PCDH9: variants seen among roughly 807,000 people sequenced by gnomAD.
PCDH9 encodes protocadherin 9, also known as protocadherin-9.
Under a neutral mutation model 70.6 loss-of-function variants are expected in PCDH9, and 24 were observed. The observed-to-expected ratio is 0.34, with a 90% CI of 0.25 to 0.48. The LOEUF (loss-of-function observed/expected upper bound fraction) is 0.48, where lower values mean the gene tolerates loss of function less well. PCDH9 is among the 20% of genes least tolerant of loss of function. PCDH9 has a pLI of 0.99. For missense variants in PCDH9, 1,281 were observed against 1,503.6 expected, an observed-to-expected ratio of 0.85 and a Z score of 2.45; for synonymous variants, 562 against 558.5, an observed-to-expected ratio of 1.01 and a Z score of -0.09.
chr13:66,445,147 T>C (rs1034451801), intron 4 of PCDH9, among the ~76,000 whole-genome samples: 1 of 147,174 alleles, frequency 6.8e-6, no homozygotes, highest in Non-Finnish European at 1.5e-5. Flanking sequence ...ATATTACATA[T>C]ATTATTTTAC....
intron 3 of PCDH9, among the ~76,000 whole-genome samples, chr13:66,734,379 G>C (rs1057392443): frequency 2.0e-5 from 3 of 152,078 alleles, no homozygotes; most frequent in Non-Finnish European, 4.4e-5. Context: ...TTCTTCCTTT[G>C]ACTAATTTTA....
At chr13:66,442,234 A>C (rs189741729) in intron 4 of PCDH9, among the ~76,000 whole-genome samples, 2 of 152,274 alleles carry the variant, frequency 1.3e-5, no homozygotes, top group Admixed American at 1.3e-4. Flanking sequence ...TAAATAAATA[A>C]AAGTTTAGAG....
intron 2 of PCDH9, among the ~76,000 whole-genome samples, chr13:67,012,190 G>T (rs1411228729): frequency 2.0e-5 from 3 of 151,522 alleles, no homozygotes; most frequent in African/African-American, 7.3e-5. Flanking sequence ...GATTTTAAAA[G>T]ATTTTTAAAC....
chr13:66,696,331 T>C (rs1446049550), intron 3 of PCDH9, among the ~76,000 whole-genome samples: 1 of 152,224 alleles, frequency 6.6e-6, no homozygotes, highest in Non-Finnish European at 1.5e-5. Context: ...TGTACTTTTC[T>C]AATAATTATT....
At position 66,980,737 on chromosome 13, in the gene PCDH9, T is replaced by G. The variant is rs567481101; in HGVS notation, c.3037-77132A>C. Among the ~76,000 whole-genome samples, 1,076 of 140,266 alleles carry G rather than the reference T, an allele frequency of 7.7e-3. 32 individuals are homozygous for G. The highest frequency in any genetic ancestry group is 0.027 in the African/African-American group (1,033 of 38,586). The allele number at this position is 140,266 out of a possible 152,430, so 92.0% of individuals were successfully genotyped here. Reference sequence around the variant, plus strand: ...TTTCCTGTTTTTTTCTTTGTTTTTTTTTTTGTTTTTTTTTTTACTATTTTA... The same window carrying G: ...TTTCCTGTTTTTTTCTTTGTTTTTTGTTTTGTTTTTTTTTTTACTATTTTA... On this transcript the variant is annotated intron_variant, in intron 2 of 4. Transcript: ENST00000377865.
At chr13:66,716,719 C>T (rs1466176065) in intron 3 of PCDH9, among the ~76,000 whole-genome samples, 1 of 152,084 alleles carries the variant, frequency 6.6e-6, no homozygotes, top group African/African-American at 2.4e-5. Flanking sequence ...GGCTGACCTA[C>T]TTTTTTCTTA....
chr13:67,180,615 A>C (rs2138480685), intron 2 of PCDH9, among the ~76,000 whole-genome samples: 1 of 152,268 alleles, frequency 6.6e-6, no homozygotes, highest in South Asian at 2.1e-4. Flanking sequence ...TGTCCATTTA[A>C]AATAACTATT....
chr13:66,665,168 G>A (rs897885812), intron 3 of PCDH9, among the ~76,000 whole-genome samples: 27 of 150,024 alleles, frequency 1.8e-4, no homozygotes, highest in Admixed American at 1.4e-3. Context: ...GGGCAACAGT[G>A]AGACCTCGCC....
chr13:67,095,062 T>G (rs954762085), intron 2 of PCDH9, among the ~76,000 whole-genome samples: 1 of 152,074 alleles, frequency 6.6e-6, no homozygotes, highest in African/African-American at 2.4e-5. Context: ...GCATGAGAGT[T>G]TTTTTTTCAA....
chr13:66,724,609 G>T (rs945061522), intron 3 of PCDH9, among the ~76,000 whole-genome samples: 10 of 152,096 alleles, frequency 6.6e-5, no homozygotes, highest in African/African-American at 1.9e-4. Flanking sequence ...CTTCCATAAA[G>T]GTCAGGACTT....
At chr13:66,510,197 T>G (rs1852929812) in intron 4 of PCDH9, among the ~76,000 whole-genome samples, 1 of 152,084 alleles carries the variant, frequency 6.6e-6, no homozygotes, top group African/African-American at 2.4e-5. Context: ...TATAAAAGCA[T>G]TTTTGCTTAA....
intron 2 of PCDH9, chr13:67,207,988 C>A (rs899339876): frequency 1.2e-4 from 19 of 152,122 alleles, no homozygotes; most frequent in African/African-American, 4.1e-4. Flanking sequence ...GTTTATTAAT[C>A]TACAAGCATC....
intron 4 of PCDH9, among the ~76,000 whole-genome samples, chr13:66,363,070 T>C (rs564775862): frequency 2.0e-4 from 30 of 152,148 alleles, no homozygotes; most frequent in African/African-American, 7.2e-4. Flanking sequence ...TCTCAGCTAC[T>C]CAGGAGGCTG....
At chr13:67,200,329 T>C (rs182705162) in intron 2 of PCDH9, among the ~76,000 whole-genome samples, 1 of 152,016 alleles carries the variant, frequency 6.6e-6, no homozygotes, top group Non-Finnish European at 1.5e-5. Flanking sequence ...TACACAGCAG[T>C]GTAGAGGTAC....
intron 3 of PCDH9, among the ~76,000 whole-genome samples, chr13:66,637,846 G>A (rs894124986): frequency 1.3e-5 from 2 of 151,718 alleles, no homozygotes; most frequent in African/African-American, 2.4e-5. Flanking sequence ...CCTGGGAGAC[G>A]GAGCTTGCAG....
intron 3 of PCDH9, among the ~76,000 whole-genome samples, chr13:66,719,659 A>G (rs1331733642): frequency 6.6e-6 from 1 of 152,254 alleles, no homozygotes; most frequent in Non-Finnish European, 1.5e-5. Flanking sequence ...AACAAACGTG[A>G]TAATTGCTCA....
At chr13:66,569,774 G>A (rs988589039) in intron 4 of PCDH9, among the ~76,000 whole-genome samples, 2 of 152,118 alleles carry the variant, frequency 1.3e-5, no homozygotes, top group Admixed American at 1.3e-4. Flanking sequence ...CCAAATGCTG[G>A]TGAGGAGGAA....
intron 4 of PCDH9, among the ~76,000 whole-genome samples, chr13:66,541,270 G>A (rs1461351395): frequency 2.0e-5 from 3 of 152,162 alleles, no homozygotes; most frequent in African/African-American, 7.2e-5. Context: ...CTGTGGAAGT[G>A]TCATTGTTCT....
At chr13:66,818,271 AT>A (rs2080644057) in intron 3 of PCDH9, among the ~76,000 whole-genome samples, 3 of 152,354 alleles carry the variant, frequency 2.0e-5, no homozygotes, top group Middle Eastern at 3.4e-3. Context: ...GTGTAAAAAA[AT>A]AAGAAGGACT....
Sources: allele counts gnomAD v4.1 joint callset (sites outside exome capture counted in the v4.1 genomes callset), GRCh38; gene constraint gnomAD v4.1.1; transcripts MANE v1.5; gene names NCBI Gene and HGNC (gene_info 2026-07-23, HGNC 2026-07-21).